Variants in PDPK1 observed in about 807,000 individuals in gnomAD.
PDPK1 encodes the protein 3-phosphoinositide-dependent protein kinase 1.
In PDPK1, 7 loss-of-function variants were observed where a neutral mutation model predicts 39.8. The ratio of observed to expected loss-of-function variants is 0.18; its 90% CI spans 0.10 to 0.33. The LOEUF (loss-of-function observed/expected upper bound fraction) is 0.33. Ranked by LOEUF, PDPK1 falls within the 10% of genes least tolerant of loss-of-function variation. The probability of loss-of-function intolerance (pLI) is 1.00; values close to 1 mark genes in which losing one functional copy is unlikely to be tolerated. For synonymous variants in PDPK1, 118 were observed against 159.1 expected, an observed-to-expected ratio of 0.74 and a Z score of 1.95; for missense variants, 182 against 384.7, an observed-to-expected ratio of 0.47 and a Z score of 4.41.
At chr16:2,540,698 T>C (rs1157066374) in intron 1 of PDPK1, among the ~76,000 whole-genome samples, 2 of 152,180 alleles carry the variant, frequency 1.3e-5, no homozygotes, top group Admixed American at 1.3e-4. Flanking sequence ...CCCCGGGGCC[T>C]GTTTCAGCCT....
chr16:2,540,605 A>G (rs556398417), intron 1 of PDPK1, among the ~76,000 whole-genome samples: 69 of 152,146 alleles, frequency 4.5e-4, no homozygotes, highest in African/African-American at 1.6e-3. Context: ...GAATGTCTTG[A>G]CCATGCCGTG....
Position 2,597,368 on chromosome 16 carries a change from G to T in PDPK1, c.1554+93G>T. 8.5e-7 allele frequency: 1 copy of T among 1,178,856 alleles called. No individual in the cohort carries two copies. Among genetic ancestry groups the T allele is most frequent in the South Asian group, 1.5e-5 (1 of 67,888 alleles). The allele number at this position is 1,178,856 out of a possible 1,614,324, so 73.0% of individuals were successfully genotyped here. A position where few individuals can be genotyped will look rare whatever the true frequency, so the allele number is the denominator to read the frequency against. The stretch of plus-strand genomic sequence containing the variant: ...CCACAGGCCTTGGCCAGAGGGAGCA[G>T]CGGGGATCGGGGCAGCTGCCTCGCC... On this transcript the variant is annotated intron_variant, in intron 13 of 13. Coordinates refer to ENST00000342085, the MANE Select transcript of PDPK1 (RefSeq NM_002613.5). This position sits in a 1 kb window ranked among gnomAD's most constrained non-coding sequence, Gnocchi z 6.3.
intron 10 of PDPK1, among the ~76,000 whole-genome samples, chr16:2,586,226 A>G (rs1469078807): frequency 6.6e-6 from 1 of 152,268 alleles, no homozygotes; most frequent in African/African-American, 2.4e-5. Flanking sequence ...CCACAGACTC[A>G]GACTCCTAAG....
chr16:2,577,785 C>T (rs1356097469), intron 7 of PDPK1, among the ~76,000 whole-genome samples: 1 of 149,562 alleles, frequency 6.7e-6, no homozygotes, highest in Non-Finnish European at 1.5e-5. Flanking sequence ...TGTCTCCAGA[C>T]TGGAGTGCAG....
In PDPK1 at chr16:2,600,583, CTTG is replaced by C. The variant is rs2067197642; in HGVS notation, c.*2819_*2821del. 4.7e-6 allele frequency: 1 copy of C among 212,036 alleles called. No homozygotes were observed. The highest frequency in any genetic ancestry group is 2.6e-5 in the African/African-American group (1 of 38,906). 13.1% of individuals were successfully genotyped at this position (212,036 alleles called of 1,614,324 possible). A position where few individuals can be genotyped will look rare whatever the true frequency, so the allele number is the denominator to read the frequency against. ...ATGTGGAACCTTAACTTGCAGAAGG[CTTG>C]TTAACAATTGTTTTGAGAGAGATGG... On this transcript the variant is annotated 3_prime_UTR_variant, in exon 14 of 14. Transcript: ENST00000342085.
intron 7 of PDPK1, chr16:2,578,789 CT>C (rs2066765702): frequency 1.1e-4 from 1 of 8,754 alleles, no homozygotes; most frequent in Admixed American, 1.7e-3. Context: ...TCAGGAAAAA[CT>C]GTGGGAGGTG....
intron 7 of PDPK1, among the ~76,000 whole-genome samples, chr16:2,580,158 G>T (rs926205238): frequency 1.4e-5 from 2 of 146,206 alleles, no homozygotes; most frequent in African/African-American, 2.6e-5. Context: ...TTATATAATG[G>T]GCGCTTCCCC....
intron 11 of PDPK1, chr16:2,592,987 A>G (rs764280064): frequency 4.2e-5 from 19 of 456,224 alleles, no homozygotes; most frequent in South Asian, 2.9e-4. Flanking sequence ...CATGGGTGAC[A>G]CTGCTGGGAG....
intron 1 of PDPK1, among the ~76,000 whole-genome samples, chr16:2,546,643 C>T (rs1597022183): frequency 6.6e-6 from 1 of 152,204 alleles, no homozygotes; most frequent in Non-Finnish European, 1.5e-5. Context: ...CTTAGTGGCC[C>T]TTCTAACCTT....
intron 1 of PDPK1, chr16:2,550,612 A>T (rs1351493362): frequency 9.4e-5 from 1 of 10,694 alleles, no homozygotes; most frequent in African/African-American, 1.0e-3. Flanking sequence ...AGTGAAATTG[A>T]GACCTGGCGC....
At chr16:2,588,483 GGT>G (rs1462709410) in intron 11 of PDPK1, among the ~76,000 whole-genome samples, 3 of 152,270 alleles carry the variant, frequency 2.0e-5, no homozygotes, top group Admixed American at 2.0e-4. Context: ...GCTGTCTGCA[GGT>G]GTGTGTGTGT....
rs2066169410 is a variant in PDPK1, at chr16:2,538,070, C to G, written c.-43C>G. ...GGAGGACGCTGAGGAGGCGCCGAGC[C>G]GCGCAGCGCTGCGGGGGAGGCGCCC... On this transcript the variant is annotated 5_prime_UTR_variant, in exon 1 of 14. Coordinates refer to ENST00000342085, the MANE Select transcript of PDPK1 (RefSeq NM_002613.5). 2 of 985,798 alleles carry G rather than the reference C, an allele frequency of 2.0e-6. No individual in the cohort carries two copies. The highest frequency in any genetic ancestry group is 1.8e-5 in the African/African-American group (1 of 56,700). 61.1% of individuals were successfully genotyped at this position (985,798 alleles called of 1,614,324 possible). A position where few individuals can be genotyped will look rare whatever the true frequency, so the allele number is the denominator to read the frequency against.
Position 2,597,707 on chromosome 16 carries a change from G to A in PDPK1, c.1611G>A (p.Arg537=). The change falls in exon 14 of 14, where the codon AGG becomes AGA. Residue 537 remains arginine, a synonymous_variant. Coordinates refer to ENST00000342085, the MANE Select transcript of PDPK1 (RefSeq NM_002613.5). This position sits in a 1 kb window ranked among gnomAD's most constrained non-coding sequence, Gnocchi z 6.3. ...DPSGNAHKWC[R]KIQEVWRQRY... ...GCGGGAACGCACACAAGTGGTGCAG[G>A]AAGATCCAGGAGGTTTGGAGGCAGC... The A allele has an allele frequency of 1.2e-6, 2 of 1,613,860 alleles. No individual in the cohort carries two copies. The highest frequency in any genetic ancestry group is 1.7e-6 in the Non-Finnish European group (2 of 1,180,032).
chr16:2,600,887 G>A lies in PDPK1; in HGVS notation c.*3120G>A, dbSNP rs570813362. 4.6e-4 allele frequency: 97 copies of A among 210,522 alleles called. No homozygotes were observed. Among genetic ancestry groups the A allele is most frequent in the Non-Finnish European group, 7.1e-4 (78 of 110,578 alleles). The allele number at this position is 210,522 out of a possible 1,614,324, so 13.0% of individuals were successfully genotyped here. A position where few individuals can be genotyped will look rare whatever the true frequency, so the allele number is the denominator to read the frequency against. On this transcript the variant is annotated 3_prime_UTR_variant, in exon 14 of 14. Transcript: ENST00000342085. ...TTTTTAAACTAAAATAGGAACATCC[G>A]ACACACACCGTTTGCATCGTCTTCT...
At chr16:2,587,665 C>A (rs2066905124) in intron 11 of PDPK1, among the ~76,000 whole-genome samples, 3 of 152,326 alleles carry the variant, frequency 2.0e-5, no homozygotes, top group Non-Finnish European at 4.4e-5. Context: ...CCTGCCACCA[C>A]ACCTGGTTAA....
chr16:2,558,504 G>A (rs984516161), intron 2 of PDPK1, among the ~76,000 whole-genome samples: 12 of 150,618 alleles, frequency 8.0e-5, no homozygotes, highest in Admixed American at 1.3e-4. Context: ...GAGTATTGTC[G>A]CAGTACTGTC....
chr16:2,543,236 C>T (rs2066273969), intron 1 of PDPK1, among the ~76,000 whole-genome samples: 1 of 7,566 alleles, frequency 1.3e-4, no homozygotes, highest in Non-Finnish European at 3.0e-4. Context: ...CAGGACCTTG[C>T]TCCTGAGTCT....
intron 11 of PDPK1, chr16:2,594,222 T>A (rs2067052927): frequency 6.6e-6 from 1 of 152,300 alleles, no homozygotes; most frequent in Non-Finnish European, 1.5e-5. Flanking sequence ...AGATATTGAT[T>A]TGATCATCTT....
intron 1 of PDPK1, among the ~76,000 whole-genome samples, chr16:2,546,403 G>A (rs771160702): frequency 1.3e-5 from 2 of 151,720 alleles, no homozygotes; most frequent in African/African-American, 2.4e-5. Context: ...GCGCGATCTC[G>A]GCTCACTGCA....
Sources: gnomAD v4.1 joint callset for allele counts (sites outside exome capture counted in the v4.1 genomes callset) on GRCh38, gnomAD v4.1.1 for gene constraint, Gnocchi (gnomAD v3.1) non-coding constraint, MANE v1.5 for transcripts, NCBI Gene and HGNC (gene_info 2026-07-23, HGNC 2026-07-21) for gene names.